LGR4: variants seen among roughly 807,000 people sequenced by gnomAD.
LGR4 encodes leucine rich repeat containing G protein-coupled receptor 4.
In LGR4, 44 loss-of-function variants were observed where a neutral mutation model predicts 84.8. That is an observed-to-expected ratio of 0.52 (90% confidence interval 0.41 to 0.67). LGR4 has a LOEUF of 0.67. Ranked by LOEUF, LGR4 falls within the 30% of genes least tolerant of loss-of-function variation. The pLI, the probability that LGR4 is intolerant of heterozygous loss-of-function variation, is 0.00. For missense variants in LGR4, 1,032 were observed against 1,131.4 expected (o/e 0.91, Z 1.26); for synonymous variants, 429 against 434.3 (o/e 0.99, Z 0.15).
intron 2 of LGR4, among the ~76,000 whole-genome samples, chr11:27,399,821 C>A (rs1787154986): frequency 6.6e-6 from 1 of 152,030 alleles, no homozygotes; most frequent in African/African-American, 2.4e-5. Flanking sequence ...ACCCGGCTGG[C>A]AACTGTTTTA....
intron 2 of LGR4, among the ~76,000 whole-genome samples, chr11:27,400,651 C>T (rs1030530555): frequency 1.1e-4 from 16 of 151,828 alleles, no homozygotes; most frequent in East Asian, 1.9e-4. Flanking sequence ...TACAGGCGCC[C>T]GCCACTATGC....
At chr11:27,465,292 G>C (rs1312256841) in intron 1 of LGR4, among the ~76,000 whole-genome samples, 1 of 152,160 alleles carries the variant, frequency 6.6e-6, no homozygotes, top group Non-Finnish European at 1.5e-5. Context: ...TTCATTTCAG[G>C]GACCTGGACT....
At chr11:27,376,265 A>G in intron 13 of LGR4, 34 bp downstream of exon 13, 1 of 1,280,974 alleles carries the variant, frequency 7.8e-7, no homozygotes, top group Non-Finnish European at 1.1e-6. Context: ...TTTGGAAAAA[A>G]TTTATTGTCT....
chr11:27,402,731 A>G (rs1863527022), intron 2 of LGR4, among the ~76,000 whole-genome samples: 1 of 152,212 alleles, frequency 6.6e-6, no homozygotes, highest in Non-Finnish European at 1.5e-5. Flanking sequence ...TGTGAATAGA[A>G]GCATTGTGCG....
intron 3 of LGR4, 24 bp downstream of exon 3, chr11:27,392,423 A>T (rs1401120962): frequency 1.3e-6 from 2 of 1,540,122 alleles, no homozygotes; most frequent in Non-Finnish European, 1.8e-6. Context: ...GCCAGCTGTG[A>T]AACTCTAAAA....
At chr11:27,470,906 G>A (rs915100912) in intron 1 of LGR4, among the ~76,000 whole-genome samples, 1 of 151,884 alleles carries the variant, frequency 6.6e-6, no homozygotes, top group South Asian at 2.1e-4. Flanking sequence ...ATACAGCAAT[G>A]CTCCTGCCTG....
intron 1 of LGR4, among the ~76,000 whole-genome samples, chr11:27,435,457 T>A (rs903035719): frequency 6.6e-6 from 1 of 152,108 alleles, no homozygotes; most frequent in Non-Finnish European, 1.5e-5. Flanking sequence ...AACACTTATT[T>A]GACCAAGTGC....
chr11:27,454,946 C>T (rs1235224306), intron 1 of LGR4, among the ~76,000 whole-genome samples: 2 of 152,122 alleles, frequency 1.3e-5, no homozygotes, highest in African/African-American at 2.4e-5. Flanking sequence ...AAAAGTCTTA[C>T]TAAATGTTAA....
chr11:27,463,967 C>T (rs1282700701), intron 1 of LGR4, among the ~76,000 whole-genome samples: 4 of 152,114 alleles, frequency 2.6e-5, no homozygotes, highest in Non-Finnish European at 4.4e-5. Context: ...ATTTAAAATA[C>T]GCAAAATCTG....
intron 1 of LGR4, among the ~76,000 whole-genome samples, chr11:27,443,601 TA>T (rs1565095528): frequency 6.6e-6 from 1 of 152,316 alleles, no homozygotes; most frequent in East Asian, 1.9e-4. Flanking sequence ...AAGGAGCTGT[TA>T]AAAATATGTA....
intron 2 of LGR4, among the ~76,000 whole-genome samples, chr11:27,406,000 C>A (rs942469249): frequency 1.3e-5 from 2 of 152,178 alleles, no homozygotes; most frequent in Non-Finnish European, 2.9e-5. Context: ...CTTAGTCTAG[C>A]CCTAAGCTCT....
chr11:27,368,620 C>A lies in LGR4; in HGVS notation c.2103G>T (p.Thr701=). The A allele has an allele frequency of 6.2e-7, 1 of 1,613,726 alleles. No homozygotes were observed. The highest frequency in any genetic ancestry group is 1.1e-5 in the South Asian group (1 of 90,982). Residue 701 remains threonine, a synonymous_variant, in exon 18 of 18, where the codon ACG becomes ACT. Coordinates refer to ENST00000379214, the MANE Select transcript of LGR4 (RefSeq NM_018490.5). The part of the protein sequence containing the change: ...PLCLPFPTGE[T]PSLGFTVTLV... The stretch of plus-strand genomic sequence containing the variant: ...ACGTTACAGTGAATCCTAATGATGG[C>A]GTTTCACCTGTAGGAAATGGCAAAC...
intron 1 of LGR4, among the ~76,000 whole-genome samples, chr11:27,436,347 G>GAGAAAGAAAGAA (rs57183310): frequency 2.1e-4 from 28 of 134,718 alleles, no homozygotes; most frequent in East Asian, 1.8e-3. Context: ...GAGAGAGAGA[G>GAGAAAGAAAGAA]AGAAAGAAAG....
chr11:27,445,207 C>T (rs187307715), intron 1 of LGR4, among the ~76,000 whole-genome samples: 27 of 152,198 alleles, frequency 1.8e-4, no homozygotes, highest in Middle Eastern at 3.4e-3. Flanking sequence ...GTATTTGATT[C>T]GTGCATGTCT....
intron 1 of LGR4, among the ~76,000 whole-genome samples, chr11:27,416,027 A>G (rs1863809427): frequency 6.6e-6 from 1 of 152,182 alleles, no homozygotes; most frequent in African/African-American, 2.4e-5. Flanking sequence ...AATATAAGGA[A>G]GTTGTTTAAA....
intron 1 of LGR4, among the ~76,000 whole-genome samples, chr11:27,431,996 C>T (rs900839717): frequency 2.0e-5 from 3 of 152,190 alleles, no homozygotes; most frequent in Non-Finnish European, 4.4e-5. Context: ...AAGGAAGGTA[C>T]TCTATGCACA....
At chr11:27,452,022 C>A (rs762344973) in intron 1 of LGR4, among the ~76,000 whole-genome samples, 25 of 152,190 alleles carry the variant, frequency 1.6e-4, no homozygotes, top group Non-Finnish European at 3.1e-4. Flanking sequence ...AAAAAATGGA[C>A]ACCCACGTAA....
intron 2 of LGR4, among the ~76,000 whole-genome samples, chr11:27,402,996 G>A (rs1863533381): frequency 6.6e-6 from 1 of 152,140 alleles, no homozygotes; most frequent in Non-Finnish European, 1.5e-5. Flanking sequence ...TCATATTCAG[G>A]TAAATAAAAT....
At chr11:27,392,673 G>T (rs1863307849) in intron 2 of LGR4, among the ~76,000 whole-genome samples, 155 bp from the exon 3 acceptor site, 1 of 152,096 alleles carries the variant, frequency 6.6e-6, no homozygotes, top group African/African-American at 2.4e-5. Context: ...TTGCTAAAAT[G>T]ATCCTGTGAA....
Sources: gnomAD v4.1 joint callset for allele counts (sites outside exome capture counted in the v4.1 genomes callset) on GRCh38, gnomAD v4.1.1 for gene constraint, MANE v1.5 for transcripts, NCBI Gene and HGNC (gene_info 2026-07-23, HGNC 2026-07-21) for gene names.